ADGRL3: variants seen among roughly 807,000 people sequenced by gnomAD.
The protein encoded by ADGRL3 is calcium-independent alpha-latrotoxin receptor 3.
ADGRL3 carries 62 observed loss-of-function variants against 153.5 expected under a neutral mutation model. The observed-to-expected ratio is 0.40, with a 90% CI of 0.33 to 0.50. The LOEUF is 0.50. ADGRL3 is among the 20% of genes least tolerant of loss of function. ADGRL3 has a pLI of 0.47. For synonymous variants in ADGRL3, 710 were observed against 672.5 expected, an observed-to-expected ratio of 1.06 and a Z score of -0.86; for missense variants, 1,641 against 1,859.4, an observed-to-expected ratio of 0.88 and a Z score of 2.16.
intron 1 of ADGRL3, among the ~76,000 whole-genome samples, chr4:61,285,312 A>G (rs2093891470): frequency 1.3e-5 from 2 of 151,840 alleles, no homozygotes; most frequent in Admixed American, 1.3e-4. Flanking sequence ...GCAGATATAT[A>G]TGGTTTTAGT....
intron 21 of ADGRL3, among the ~76,000 whole-genome samples, chr4:62,017,104 T>G (rs1304755185): frequency 6.6e-6 from 1 of 152,082 alleles, no homozygotes; most frequent in African/African-American, 2.4e-5. Flanking sequence ...CATTTGTGTT[T>G]TCTATGGAGA....
chr4:61,540,936 A>T (rs1425930533), intron 4 of ADGRL3, among the ~76,000 whole-genome samples: 1 of 152,124 alleles, frequency 6.6e-6, no homozygotes, highest in Non-Finnish European at 1.5e-5. Context: ...TTGATATAGA[A>T]CATATTCCCC....
intron 17 of ADGRL3, among the ~76,000 whole-genome samples, chr4:61,960,698 T>G (rs2098984402): frequency 6.6e-6 from 1 of 150,720 alleles, no homozygotes; most frequent in South Asian, 2.1e-4. Flanking sequence ...TGGATTAGTG[T>G]TTTTTGTTTT....
At chr4:61,309,121 A>T (rs2094908131) in intron 1 of ADGRL3, among the ~76,000 whole-genome samples, 1 of 152,218 alleles carries the variant, frequency 6.6e-6, no homozygotes, top group South Asian at 2.1e-4. Context: ...TTTAAATGTT[A>T]CTAATTTCGA....
intron 8 of ADGRL3, among the ~76,000 whole-genome samples, chr4:61,742,488 G>C (rs1020252618): frequency 2.0e-5 from 3 of 151,936 alleles, no homozygotes; most frequent in Non-Finnish European, 4.4e-5. Flanking sequence ...CACCATGTTA[G>C]ACAGGATGGT....
At chr4:61,996,485 A>T (rs1221195689) in intron 20 of ADGRL3, 128 bp downstream of exon 20, 2 of 650,478 alleles carry the variant, frequency 3.1e-6, no homozygotes, top group Non-Finnish European at 5.5e-6. Context: ...ACCCTACATA[A>T]TTCAAGCAAT....
At chr4:61,869,658 C>G (rs2098424664) in intron 9 of ADGRL3, among the ~76,000 whole-genome samples, 1 of 151,760 alleles carries the variant, frequency 6.6e-6, no homozygotes, top group South Asian at 2.1e-4. Context: ...GTGGCTCACA[C>G]TTTGGGATTC....
intron 5 of ADGRL3, among the ~76,000 whole-genome samples, chr4:61,601,597 A>G (rs200810012): frequency 3.9e-5 from 6 of 152,150 alleles, no homozygotes; most frequent in African/African-American, 1.2e-4. Flanking sequence ...ATTTTTTCCT[A>G]CAGTTTTCAG....
chr4:61,719,863 A>C (rs1298767976), intron 6 of ADGRL3, among the ~76,000 whole-genome samples: 3 of 151,908 alleles, frequency 2.0e-5, no homozygotes, highest in Admixed American at 6.6e-5. Context: ...TCAGCCCTGT[A>C]AAGTGCTAAG....
chr4:61,869,003 C>T (rs1480318823), intron 9 of ADGRL3, among the ~76,000 whole-genome samples: 1 of 152,130 alleles, frequency 6.6e-6, no homozygotes, highest in Admixed American at 6.5e-5. Flanking sequence ...ACTGCAGCCT[C>T]GTGATGGCAG....
chr4:61,346,275 C>T (rs868621597), intron 1 of ADGRL3, among the ~76,000 whole-genome samples: 120 of 149,550 alleles, frequency 8.0e-4, no homozygotes, highest in African/African-American at 2.9e-3. Flanking sequence ...TCTCCCCCCA[C>T]GCTCTCTCTC....
At chr4:61,401,618 A>G (rs1295214165) in intron 2 of ADGRL3, among the ~76,000 whole-genome samples, 1 of 152,000 alleles carries the variant, frequency 6.6e-6, no homozygotes, top group African/African-American at 2.4e-5. Context: ...CTAAGTTGAA[A>G]TGTTTCAGGA....
chr4:62,007,339 G>A (rs1321554914), intron 21 of ADGRL3, among the ~76,000 whole-genome samples: 4 of 92,520 alleles, frequency 4.3e-5, no homozygotes, highest in African/African-American at 1.7e-4. Flanking sequence ...AGAGCTCAGG[G>A]CAAGAGGACA....
intron 1 of ADGRL3, among the ~76,000 whole-genome samples, chr4:61,234,319 T>C (rs1227007501): frequency 6.6e-6 from 1 of 152,104 alleles, no homozygotes; most frequent in Non-Finnish European, 1.5e-5. Flanking sequence ...TGGAAACACC[T>C]GATAAACCCA....
At chr4:61,437,460 ACTCAT>A (rs1336811713) in intron 2 of ADGRL3, among the ~76,000 whole-genome samples, 2 of 151,886 alleles carry the variant, frequency 1.3e-5, no homozygotes, top group Non-Finnish European at 2.9e-5. Flanking sequence ...CTCTTACCCC[ACTCAT>A]CTCATCATTC....
At chr4:61,750,071 A>C (rs1042411865) in intron 8 of ADGRL3, among the ~76,000 whole-genome samples, 4 of 150,616 alleles carry the variant, frequency 2.7e-5, no homozygotes, top group Non-Finnish European at 5.9e-5. Flanking sequence ...CCGTGCCACT[A>C]TTCTATGTTC....
At chr4:61,908,299 AAAAAG>A (rs1250959788) in intron 11 of ADGRL3, among the ~76,000 whole-genome samples, 1 of 152,110 alleles carries the variant, frequency 6.6e-6, no homozygotes, top group Non-Finnish European at 1.5e-5. Context: ...CAAAAGAAAA[AAAAAG>A]AAAAGAAAAA....
At chr4:62,060,764 T>TC (rs1285127373) in intron 25 of ADGRL3, among the ~76,000 whole-genome samples, 5 of 151,884 alleles carry the variant, frequency 3.3e-5, no homozygotes, top group Non-Finnish European at 7.4e-5. Flanking sequence ...CTCTTTTTTT[T>TC]CTCATAAAAT....
intron 1 of ADGRL3, among the ~76,000 whole-genome samples, chr4:61,320,880 G>A (rs1361761684): frequency 6.6e-6 from 1 of 152,132 alleles, no homozygotes; most frequent in Non-Finnish European, 1.5e-5. Context: ...GATGTTTTCA[G>A]GGCAGAGTTT....
Sources: allele counts gnomAD v4.1 joint callset (sites outside exome capture counted in the v4.1 genomes callset), GRCh38; gene constraint gnomAD v4.1.1; transcripts MANE v1.5; gene names NCBI Gene and HGNC (gene_info 2026-07-23, HGNC 2026-07-21).